CHAT: variants seen among roughly 807,000 people sequenced by gnomAD.
CHAT encodes the protein choline O-acetyltransferase, also known as acetyl CoA:choline O-acetyltransferase.
A neutral mutation model predicts 76.9 loss-of-function variants in CHAT; 61 were observed. The observed-to-expected ratio is 0.79, with a 90% CI of 0.65 to 0.98. The LOEUF (loss-of-function observed/expected upper bound fraction) is 0.98, where lower values mean the gene tolerates loss of function less well. Ranked by LOEUF, CHAT falls within the 50% of genes least tolerant of loss-of-function variation. The pLI is 0.00. For synonymous variants in CHAT, 407 were observed against 397.4 expected (o/e 1.02, Z -0.29); for missense variants, 946 against 986.9 (o/e 0.96, Z 0.56).
chr10:49,626,009 G>A (rs766374705), intron 6 of CHAT, among the ~76,000 whole-genome samples: 1 of 152,188 alleles, frequency 6.6e-6, no homozygotes, highest in Non-Finnish European at 1.5e-5. Context: ...GTTACAGACT[G>A]ACAAATAGGA....
chr10:49,609,582 T>C (rs1035868993), upstream of CHAT, among the ~76,000 whole-genome samples: 2 of 151,878 alleles, frequency 1.3e-5, no homozygotes, highest in African/African-American at 4.8e-5. Context: ...GCCAGGCTAA[T>C]ATTCGCGACC....
At position 49,665,123 on chromosome 10, in the gene CHAT, T is replaced by C. The variant is rs1840314993; in HGVS notation, c.*77T>C. ...CCTGCAGATCCCCACTCCCGTCCCT[T>C]ACCCCAGCTTTCCACAGCTCCCTGT... is the stretch of plus-strand genomic sequence containing the variant. On this transcript the variant is annotated 3_prime_UTR_variant, in exon 15 of 15. Coordinates refer to ENST00000337653, the MANE Select transcript of CHAT (RefSeq NM_020549.5). 2 of 1,519,780 alleles carry C rather than the reference T, an allele frequency of 1.3e-6. No individual in the cohort carries two copies. The highest frequency in any genetic ancestry group is 1.7e-5 in the Admixed American group (1 of 59,840). The allele number at this position is 1,519,780 out of a possible 1,614,324, so 94.1% of individuals were successfully genotyped here. A position where few individuals can be genotyped will look rare whatever the true frequency, so the allele number is the denominator to read the frequency against.
chr10:49,664,644 T>C (rs1840296561), intron 14 of CHAT, 133 bp from the exon 15 acceptor site: 8 of 1,142,612 alleles, frequency 7.0e-6, no homozygotes, highest in African/African-American at 1.5e-5. Context: ...GCTGTGTCCA[T>C]CCATGCTAAA....
chr10:49,619,694 AG>A (rs753494683), intron 2 of CHAT, 30 bp from the exon 3 acceptor site: 6 of 1,600,694 alleles, frequency 3.7e-6, no homozygotes, highest in Non-Finnish European at 5.1e-6. Context: ...CACATACTAG[AG>A]GCACAATGCC....
intron 5 of CHAT, among the ~76,000 whole-genome samples, chr10:49,624,680 T>G (rs1590570727): frequency 6.6e-6 from 1 of 152,308 alleles, no homozygotes; most frequent in East Asian, 1.9e-4. Context: ...AGGACGTGCT[T>G]CACAAATATT....
At chr10:49,657,064 T>G (rs1322460361) in intron 13 of CHAT, among the ~76,000 whole-genome samples, 2 of 152,166 alleles carry the variant, frequency 1.3e-5, no homozygotes, top group Non-Finnish European at 2.9e-5. Context: ...GTAGAACACA[T>G]GGCGACTGAC....
chr10:49,609,914 G>A (rs182461778), upstream of CHAT, among the ~76,000 whole-genome samples: 7 of 152,136 alleles, frequency 4.6e-5, no homozygotes, highest in East Asian at 1.2e-3. Flanking sequence ...GAGATCGCAA[G>A]CCTCTGGCTC....
intron 7 of CHAT, among the ~76,000 whole-genome samples, chr10:49,632,381 G>A (rs1195831029): frequency 6.6e-6 from 1 of 152,142 alleles, no homozygotes; most frequent in Non-Finnish European, 1.5e-5. Flanking sequence ...TGGGGCTGAG[G>A]TGCTTTCTCA....
At chr10:49,629,814 T>A (rs1590580509) in intron 7 of CHAT, among the ~76,000 whole-genome samples, 1 of 151,672 alleles carries the variant, frequency 6.6e-6, no homozygotes, top group Non-Finnish European at 1.5e-5. Flanking sequence ...CCTTCACAGA[T>A]CCCCCCTCCC....
At position 49,662,126 on chromosome 10, in the gene CHAT, T is replaced by A. The variant is rs1056020818; in HGVS notation, c.1840-519T>A. The stretch of plus-strand genomic sequence containing the variant: ...CAGATCTCACACCCTCTATCCTCTA[T>A]CTCTTGTTCCCTGGGCTCCTACTGG... On this transcript the variant is annotated intron_variant, in intron 13 of 14. Transcript: ENST00000337653. 2.0e-5 allele frequency among the ~76,000 whole-genome samples: 3 copies of A among 152,266 alleles called. No homozygotes were observed. In the South Asian group the frequency reaches 6.2e-4, roughly 32 times the overall value.
intron 13 of CHAT, among the ~76,000 whole-genome samples, chr10:49,656,917 T>C (rs547633701): frequency 1.5e-3 from 230 of 152,196 alleles, no homozygotes; most frequent in Non-Finnish European, 2.3e-3. Flanking sequence ...TCTTCGCGCA[T>C]GGTGGACTGC....
chr10:49,610,814 T>G (rs1838272170), upstream of CHAT: 1 of 1,601,454 alleles, frequency 6.2e-7, no homozygotes. Context: ...GGCGCGGCGC[T>G]GCAGGAGCCC....
At chr10:49,647,803 CCTTCCTTTT>C (rs1839728180) in intron 8 of CHAT, 1 of 85,096 alleles carries the variant, frequency 1.2e-5, no homozygotes, top group African/African-American at 4.0e-5. Flanking sequence ...TTCCTTCCTT[CCTTCCTTTT>C]AGTGACAGGC....
intron 9 of CHAT, among the ~76,000 whole-genome samples, chr10:49,649,211 C>A (rs940490056): frequency 6.6e-6 from 1 of 152,198 alleles, no homozygotes; most frequent in Non-Finnish European, 1.5e-5. Context: ...TCTTAAATTT[C>A]TCTCCAAGTC....
intron 4 of CHAT, among the ~76,000 whole-genome samples, chr10:49,621,798 T>C (rs1383525514): frequency 6.6e-6 from 1 of 152,012 alleles, no homozygotes; most frequent in Non-Finnish European, 1.5e-5. Flanking sequence ...CCCCCAGTTC[T>C]CACCAAAGGA....
Position 49,646,507 on chromosome 10 carries a change from T to A in CHAT, c.1114T>A (p.Ser372Thr). ...AEARTVLVKD[S>T]TNRDSLDMIE... ...GGCTGTGCCTGCCTCCCCTGCAGAC[T>A]CCACCAACCGGGACTCGCTGGACAT... The change falls in exon 8 of 15, where the codon TCC becomes ACC. Residue 372 changes from serine to threonine, a missense_variant and splice_region_variant. By Grantham distance (58) the Ser-to-Thr change is moderately conservative. Transcript: ENST00000337653. 2 of 1,614,158 alleles carry A rather than the reference T, an allele frequency of 1.2e-6. No individual in the cohort carries two copies. Among genetic ancestry groups the A allele is most frequent in the Non-Finnish European group, 1.7e-6 (2 of 1,180,018 alleles).
upstream of CHAT, among the ~76,000 whole-genome samples, chr10:49,609,500 C>A (rs139389571): frequency 1.2e-3 from 180 of 151,968 alleles, no homozygotes; most frequent in African/African-American, 4.2e-3. Context: ...GCTGGGGGAC[C>A]AGACCGCTAA....
intron 11 of CHAT, 120 bp downstream of exon 11, chr10:49,652,126 G>A (rs1590615986): frequency 3.7e-6 from 5 of 1,336,216 alleles, no homozygotes; most frequent in Non-Finnish European, 4.2e-6. Flanking sequence ...GAAGACTGGA[G>A]AGGGACTGAG....
upstream of CHAT, chr10:49,612,461 A>C: frequency 1.0e-6 from 1 of 964,718 alleles, no homozygotes; most frequent in Middle Eastern, 2.3e-4. Flanking sequence ...CCACTCCTCA[A>C]CCTTGACTTC....
Sources: allele counts gnomAD v4.1 joint callset (sites outside exome capture counted in the v4.1 genomes callset), GRCh38; gene constraint gnomAD v4.1.1; transcripts MANE v1.5; gene names NCBI Gene and HGNC (gene_info 2026-07-23, HGNC 2026-07-21).